Variants in PARD3B observed in about 807,000 individuals in gnomAD.
PARD3B encodes partitioning defective 3 homolog B.
Under a neutral mutation model 130.2 loss-of-function variants are expected in PARD3B, and 103 were observed. That is an observed-to-expected ratio of 0.79 (90% confidence interval 0.67 to 0.93). The LOEUF (loss-of-function observed/expected upper bound fraction) is 0.93. Among genes scored for constraint, PARD3B ranks in the 40% least tolerant of loss-of-function variants. The pLI is 0.00. For synonymous variants in PARD3B, 583 were observed against 553.2 expected (o/e 1.05, Z -0.76); for missense variants, 1,609 against 1,499.2 (o/e 1.07, Z -1.21).
At chr2:205,365,177 G>C (rs2044555571) in intron 18 of PARD3B, among the ~76,000 whole-genome samples, 1 of 144,186 alleles carries the variant, frequency 6.9e-6, no homozygotes. Context: ...TCCAGCCTGG[G>C]AGACAAGAGT....
chr2:205,004,667 T>G (rs548364544), intron 3 of PARD3B, among the ~76,000 whole-genome samples: 1 of 152,214 alleles, frequency 6.6e-6, no homozygotes, highest in African/African-American at 2.4e-5. Flanking sequence ...ATCAATAATA[T>G]TTTCATAAAT....
At chr2:204,990,741 C>G (rs1191096361) in intron 3 of PARD3B, among the ~76,000 whole-genome samples, 1 of 151,972 alleles carries the variant, frequency 6.6e-6, no homozygotes, top group African/African-American at 2.4e-5. Context: ...TTAATAGAGT[C>G]AACATTTTTA....
chr2:205,100,837 A>G (rs192189128), intron 4 of PARD3B, among the ~76,000 whole-genome samples: 1 of 152,278 alleles, frequency 6.6e-6, no homozygotes, highest in East Asian at 1.9e-4. Context: ...GCAGGAATGA[A>G]CTCAAAATGA....
intron 3 of PARD3B, among the ~76,000 whole-genome samples, chr2:204,983,711 C>T (rs963286738): frequency 1.4e-4 from 22 of 152,314 alleles, no homozygotes; most frequent in African/African-American, 5.1e-4. Flanking sequence ...CCTCCATATA[C>T]TTGCAAGACA....
intron 1 of PARD3B, among the ~76,000 whole-genome samples, chr2:204,591,230 A>G (rs368398565): frequency 9.2e-5 from 14 of 152,212 alleles, no homozygotes; most frequent in African/African-American, 3.1e-4. Context: ...TTTATTATGA[A>G]GCCATCTTTC....
chr2:205,511,784 T>G (rs2050598223), intron 21 of PARD3B, among the ~76,000 whole-genome samples: 2 of 152,314 alleles, frequency 1.3e-5, no homozygotes, highest in Non-Finnish European at 2.9e-5. Context: ...CACTTAAATT[T>G]GACAACAATT....
Position 204,799,507 on chromosome 2 carries a change from T to A in PARD3B, c.222+113225T>A, listed in dbSNP as rs748913294. Among the ~76,000 whole-genome samples the A allele has an allele frequency of 4.6e-5, 7 of 152,170 alleles. No individual in the cohort carries two copies. Among genetic ancestry groups the A allele is most frequent in the Non-Finnish European group, 1.0e-4 (7 of 68,022 alleles). On this transcript the variant is annotated intron_variant, in intron 2 of 22. Transcript: ENST00000406610. The surrounding 1 kb of genome is among the most constrained non-coding windows in gnomAD (Gnocchi z 4.1). ...TCCCATCTGCTCACTGAAGAGCCCT[T>A]GGGCCGTGAGTGAACATTCACAGCC...
intron 15 of PARD3B, among the ~76,000 whole-genome samples, chr2:205,226,841 G>T (rs892723423): frequency 8.5e-5 from 13 of 152,062 alleles, no homozygotes; most frequent in African/African-American, 2.9e-4. Context: ...TGGCTATTCT[G>T]GGCCTTTTGT....
chr2:205,528,432 A>C (rs892617883), intron 21 of PARD3B, among the ~76,000 whole-genome samples: 1 of 152,160 alleles, frequency 6.6e-6, no homozygotes, highest in Non-Finnish European at 1.5e-5. Flanking sequence ...AAGCACATAT[A>C]AATTGAGACC....
intron 18 of PARD3B, among the ~76,000 whole-genome samples, chr2:205,303,508 C>G (rs73056500): frequency 5.4e-4 from 82 of 152,292 alleles, no homozygotes; most frequent in African/African-American, 2.0e-3. Context: ...TAACTTACAG[C>G]CACAGCATCT....
At chr2:204,820,147 C>T (rs910240772) in intron 2 of PARD3B, among the ~76,000 whole-genome samples, 2 of 138,424 alleles carry the variant, frequency 1.4e-5, no homozygotes, top group Non-Finnish European at 3.0e-5. Flanking sequence ...GCAATCTCAG[C>T]TTACTGCAAC....
chr2:205,367,129 A>C (rs1286160157), intron 18 of PARD3B, among the ~76,000 whole-genome samples: 1 of 152,242 alleles, frequency 6.6e-6, no homozygotes, highest in African/African-American at 2.4e-5. Context: ...AGCTGTGTTA[A>C]AACTTGTAAA....
chr2:205,323,114 T>A (rs1286139332), intron 18 of PARD3B, among the ~76,000 whole-genome samples: 4 of 151,646 alleles, frequency 2.6e-5, no homozygotes, highest in Non-Finnish European at 5.9e-5. Context: ...GTTCATCTTG[T>A]TGGCCAGGAT....
rs2041176522 is a variant in PARD3B at position 205,281,249 on chromosome 2, T to C, written c.2186-19281T>C. On this transcript the variant is annotated intron_variant, in intron 16 of 22. Transcript: ENST00000406610. The surrounding 1 kb of genome is among the most constrained non-coding windows in gnomAD (Gnocchi z 4.2). ...GGTCTAAAGACAAAAGGGTTGGGGA[T>C]GATCATGTTAAATAAACATCTACTT... Among the ~76,000 whole-genome samples, 1 of 152,172 alleles carries C rather than the reference T, an allele frequency of 6.6e-6. No homozygotes were observed. The highest frequency in any genetic ancestry group is 6.5e-5 in the Admixed American group (1 of 15,282).
intron 20 of PARD3B, among the ~76,000 whole-genome samples, chr2:205,481,505 A>C (rs1325137055): frequency 6.6e-6 from 1 of 152,184 alleles, no homozygotes; most frequent in African/African-American, 2.4e-5. Context: ...TCGTGGAAGA[A>C]GGAATGCAGG....
chr2:204,559,539 C>A (rs1381355545), intron 1 of PARD3B, among the ~76,000 whole-genome samples: 4 of 152,176 alleles, frequency 2.6e-5, no homozygotes, highest in Non-Finnish European at 1.5e-5. Context: ...CAGGAAACAA[C>A]AGATGCTGGA....
chr2:204,844,421 T>G (rs1404229905), intron 2 of PARD3B, among the ~76,000 whole-genome samples: 1 of 152,150 alleles, frequency 6.6e-6, no homozygotes, highest in Non-Finnish European at 1.5e-5. Context: ...ATTTTATTTT[T>G]AAGTTATAAT....
At chr2:205,302,355 G>A (rs148314646) in intron 18 of PARD3B, among the ~76,000 whole-genome samples, 1 of 151,272 alleles carries the variant, frequency 6.6e-6, no homozygotes, top group Non-Finnish European at 1.5e-5. Flanking sequence ...TCAGGCAGGA[G>A]ACCCTATTTC....
intron 18 of PARD3B, among the ~76,000 whole-genome samples, chr2:205,323,781 G>A (rs769697454): frequency 7.1e-4 from 108 of 152,278 alleles, no homozygotes; most frequent in South Asian, 4.1e-4. Flanking sequence ...GGACATCTTC[G>A]GGATAAATCC....
Sources: allele counts gnomAD v4.1 joint callset (sites outside exome capture counted in the v4.1 genomes callset), GRCh38; gene constraint gnomAD v4.1.1; non-coding constraint Gnocchi (gnomAD v3.1); transcripts MANE v1.5; gene names NCBI Gene and HGNC (gene_info 2026-07-23, HGNC 2026-07-21).